The following LPP variants were observed in gnomAD, a reference collection of about 807,000 sequenced individuals.
The protein encoded by LPP is LIM domain containing preferred translocation partner in lipoma.
A neutral mutation model predicts 60.4 loss-of-function variants in LPP; 38 were observed. That is an observed-to-expected ratio of 0.63 (90% CI 0.49 to 0.83). LPP has a LOEUF of 0.83. Among genes scored for constraint, LPP ranks in the 40% least tolerant of loss-of-function variants. The pLI is 0.00. For missense variants in LPP, 902 were observed against 783.6 expected (o/e 1.15, Z -1.80); for synonymous variants, 328 against 290.8 (o/e 1.13, Z -1.30).
At chr3:188,409,326 G>T (rs1484073182) in intron 4 of LPP, among the ~76,000 whole-genome samples, 1 of 151,816 alleles carries the variant, frequency 6.6e-6, no homozygotes, top group East Asian at 1.9e-4. Flanking sequence ...TAATATATAA[G>T]TTAAAGACAA....
chr3:188,182,981 A>G lies in LPP; in HGVS notation c.-190+28729A>G, dbSNP rs1047060031. ...AACCAATGGTCTAGGCCAGCATCCT[A>G]TTGTACAGATGAGAAAGGTGAGGCC... On this transcript the variant is annotated intron_variant, in intron 1 of 11. Transcript: ENST00000617246. This position sits in a 1 kb window ranked among gnomAD's most constrained non-coding sequence, Gnocchi z 4.4. Among the ~76,000 whole-genome samples the G allele has an allele frequency of 3.5e-5, 5 of 143,286 alleles. No individual in the cohort carries two copies. Among genetic ancestry groups the G allele is most frequent in the Non-Finnish European group, 6.2e-5 (4 of 64,942 alleles). 94.0% of individuals were successfully genotyped at this position (143,286 alleles called of 152,430 possible). A position where few individuals can be genotyped will look rare whatever the true frequency, so the allele number is the denominator to read the frequency against.
Position 188,855,903 on chromosome 3 carries a change from A to G in LPP, c.1411-10297A>G, listed in dbSNP as rs73888947. Among the ~76,000 whole-genome samples the G allele has an allele frequency of 5.9e-5, 9 of 152,320 alleles. 1 individual carries two copies. Among genetic ancestry groups the G allele is most frequent in the Admixed American group, 3.3e-4 (5 of 15,304 alleles). ...GACTTCTGCTTTATTTCTCCTTGCCACTGAGCCATACAGAGTCTCTGTAAC... is the reference window on the plus strand; with the variant it reads ...GACTTCTGCTTTATTTCTCCTTGCCGCTGAGCCATACAGAGTCTCTGTAAC... On this transcript the variant is annotated intron_variant, in intron 9 of 11. Coordinates refer to ENST00000617246, the MANE Select transcript of LPP (RefSeq NM_001375462.1).
At chr3:188,813,926 G>A (rs1371269674) in intron 9 of LPP, among the ~76,000 whole-genome samples, 1 of 152,028 alleles carries the variant, frequency 6.6e-6, no homozygotes, top group Non-Finnish European at 1.5e-5. Flanking sequence ...AAAAAAATTA[G>A]GTAGGTATGG....
At chr3:188,809,666 G>A (rs1170100799) in intron 9 of LPP, among the ~76,000 whole-genome samples, 1 of 152,004 alleles carries the variant, frequency 6.6e-6, no homozygotes, top group Non-Finnish European at 1.5e-5. Context: ...TTTTGCTGTG[G>A]AGAAGCTCTT....
chr3:188,649,663 T>A (rs200940620), intron 7 of LPP, among the ~76,000 whole-genome samples: 1 of 146,418 alleles, frequency 6.8e-6, no homozygotes, highest in Non-Finnish European at 1.5e-5. Context: ...GGTTTTTTTT[T>A]ATTATTATAT....
chr3:188,808,552 G>T (rs1434407268), intron 9 of LPP, among the ~76,000 whole-genome samples: 2 of 152,036 alleles, frequency 1.3e-5, no homozygotes, highest in African/African-American at 4.8e-5. Context: ...TATTCCAAAG[G>T]GACAATCCGG....
Position 188,878,583 on chromosome 3 carries a change from T to C in LPP, c.*4104T>C. Reference sequence around the variant, plus strand: ...CTCTGCAAAATGTGCCTCAAGTCCATTTCTTGGGATCGCTCGTTTGGTGCA... The same window carrying C: ...CTCTGCAAAATGTGCCTCAAGTCCACTTCTTGGGATCGCTCGTTTGGTGCA... On this transcript the variant is annotated 3_prime_UTR_variant, in exon 12 of 12. Coordinates refer to ENST00000617246, the MANE Select transcript of LPP (RefSeq NM_001375462.1). The C allele has an allele frequency of 4.8e-6, 1 of 209,696 alleles. No individual in the cohort carries two copies. The highest frequency in any genetic ancestry group is 1.5e-3 in the Middle Eastern group (1 of 646). 13.0% of individuals were successfully genotyped at this position (209,696 alleles called of 1,614,324 possible). A position where few individuals can be genotyped will look rare whatever the true frequency, so the allele number is the denominator to read the frequency against.
At chr3:188,279,236 G>A (rs964160555) in intron 2 of LPP, among the ~76,000 whole-genome samples, 1 of 152,176 alleles carries the variant, frequency 6.6e-6, no homozygotes, top group African/African-American at 2.4e-5. Flanking sequence ...CCAAAGAGCT[G>A]GATTCCAGTC....
At chr3:188,521,404 TA>T (rs1818829350) in intron 5 of LPP, among the ~76,000 whole-genome samples, 1 of 152,126 alleles carries the variant, frequency 6.6e-6, no homozygotes, top group Non-Finnish European at 1.5e-5. Flanking sequence ...TAGTTCAGGG[TA>T]ATTCTGTGAC....
At position 188,199,455 on chromosome 3, in the gene LPP, C is replaced by CGTCTCTGTGGAGCTGCACG. The variant is rs148123493; in HGVS notation, c.-189-25948_-189-25930dup. On this transcript the variant is annotated intron_variant, in intron 1 of 11. Transcript: ENST00000617246. ...CTTTTGGCCAAAAAGGAGGAACAGACGTCTCTGTGGAGCTGCACGGAGGTA... is the reference window on the plus strand; with the variant it reads ...CTTTTGGCCAAAAAGGAGGAACAGACGTCTCTGTGGAGCTGCACGGTCTCTGTGGAGCTGCACGGAGGTA... 1.9e-3 allele frequency among the ~76,000 whole-genome samples: 293 copies of CGTCTCTGTGGAGCTGCACG among 152,084 alleles called. 7 individuals are homozygous for CGTCTCTGTGGAGCTGCACG. The East Asian group carries it at 0.046, about 24-fold the overall frequency.
In LPP at chr3:188,874,422, G is replaced by A; in HGVS notation, c.1782G>A (p.Lys594=). The A allele has an allele frequency of 2.5e-6, 4 of 1,614,198 alleles. No individual in the cohort carries two copies. The highest frequency in any genetic ancestry group is 3.4e-6 in the Non-Finnish European group (4 of 1,180,016). The stretch of plus-strand genomic sequence containing the variant: ...CCTTGGATGGGCACATCCTCTGCAA[G>A]ACCTGCAACTCTGCCCGCATCAGGG... ...CYPLDGHILC[K]TCNSARIRVL... The change falls in exon 12 of 12, where the codon AAG becomes AAA. Residue 594 remains lysine, a synonymous_variant. Transcript: ENST00000617246.
intron 1 of LPP, among the ~76,000 whole-genome samples, chr3:188,190,258 C>T (rs1043555070): frequency 3.9e-5 from 6 of 151,942 alleles, no homozygotes; most frequent in South Asian, 2.1e-4. Context: ...GGGGTTTCAC[C>T]GTGTTGGTCA....
At chr3:188,250,221 C>G (rs1010490115) in intron 2 of LPP, among the ~76,000 whole-genome samples, 3 of 152,150 alleles carry the variant, frequency 2.0e-5, no homozygotes, top group Admixed American at 1.3e-4. Flanking sequence ...ATTTCCACAG[C>G]CTTTCTTTAT....
At chr3:188,606,933 G>C (rs1842488221) in intron 6 of LPP, among the ~76,000 whole-genome samples, 1 of 152,026 alleles carries the variant, frequency 6.6e-6, no homozygotes, top group African/African-American at 2.4e-5. Flanking sequence ...CTGAGCAACT[G>C]GGCTGATGAC....
chr3:188,852,755 G>A (rs910474394), intron 9 of LPP, among the ~76,000 whole-genome samples: 12 of 152,172 alleles, frequency 7.9e-5, no homozygotes, highest in Admixed American at 7.2e-4. Context: ...ACAGTCAGTG[G>A]TATTGTATTA....
chr3:188,652,688 A>G (rs1852340119), intron 7 of LPP, among the ~76,000 whole-genome samples: 1 of 152,170 alleles, frequency 6.6e-6, no homozygotes, highest in African/African-American at 2.4e-5. Flanking sequence ...ACCATTTATA[A>G]GCAGTGAAAC....
intron 6 of LPP, among the ~76,000 whole-genome samples, chr3:188,595,789 A>C (rs1839869018): frequency 1.3e-5 from 2 of 152,194 alleles, no homozygotes. Context: ...ATTGCAAGAC[A>C]TGTTGCCCAC....
chr3:188,473,646 A>C (rs1168142998), intron 4 of LPP, among the ~76,000 whole-genome samples: 1 of 152,198 alleles, frequency 6.6e-6, no homozygotes, highest in Non-Finnish European at 1.5e-5. Flanking sequence ...CAATACCTCA[A>C]GCTAAGTATT....
chr3:188,848,187 T>G (rs1475150413), intron 9 of LPP, among the ~76,000 whole-genome samples: 1 of 152,260 alleles, frequency 6.6e-6, no homozygotes, highest in Non-Finnish European at 1.5e-5. Flanking sequence ...CTAATTGTTA[T>G]GTATGTACCC....
Sources: gnomAD v4.1 joint callset for allele counts (sites outside exome capture counted in the v4.1 genomes callset) on GRCh38, gnomAD v4.1.1 for gene constraint, Gnocchi (gnomAD v3.1) non-coding constraint, MANE v1.5 for transcripts, NCBI Gene and HGNC (gene_info 2026-07-23, HGNC 2026-07-21) for gene names.